The following VTI1B variants were observed in gnomAD, a reference collection of about 807,000 sequenced individuals.
VTI1B encodes vesicle transport through interaction with t-SNAREs homolog 1B.
A neutral mutation model predicts 28.6 loss-of-function variants in VTI1B; 18 were observed. The observed-to-expected ratio is 0.63, with a 90% confidence interval of 0.43 to 0.93. The LOEUF (loss-of-function observed/expected upper bound fraction) is 0.93, where lower values mean the gene tolerates loss of function less well. VTI1B is among the 40% of genes least tolerant of loss of function. The pLI, the probability that VTI1B is intolerant of heterozygous loss-of-function variation, is 0.00. For missense variants in VTI1B, 283 were observed against 297.0 expected, an observed-to-expected ratio of 0.95 and a Z score of 0.35; for synonymous variants, 100 against 107.9, an observed-to-expected ratio of 0.93 and a Z score of 0.46.
rs1471325620 is a variant in VTI1B at position 67,647,954 on chromosome 14, A to C, written c.*3431T>G. 7.9e-7 allele frequency: 1 copy of C among 1,264,224 alleles called. No individual in the cohort carries two copies. 78.3% of individuals were successfully genotyped at this position (1,264,224 alleles called of 1,614,324 possible). ...CAAAGTACTAGGACTAATAGCAACA[A>C]AATCAAGGAGTTGCAACCATAAGAA... On this transcript the variant is annotated 3_prime_UTR_variant, in exon 6 of 6. Coordinates refer to ENST00000554659, the MANE Select transcript of VTI1B (RefSeq NM_006370.3).
Position 67,656,527 on chromosome 14 carries a change from G to A in VTI1B, c.429C>T (p.Thr143=), listed in dbSNP as rs748819802. Residue 143 remains threonine, a synonymous_variant, in exon 4 of 6, where the codon ACC becomes ACT. Transcript: ENST00000554659. ...TCCGATGAGAACGTTCAATACTTTG[G>A]GTGGCCCGGTTCAGGCTTTCAGTGC... ...LQGTESLNRA[T]QSIERSHRIA... 1 of 1,613,662 alleles carries A rather than the reference G, an allele frequency of 6.2e-7. No homozygotes were observed. Among genetic ancestry groups the A allele is most frequent in the African/African-American group, 1.3e-5 (1 of 74,912 alleles).
At chr14:67,665,772 G>C (rs1488766357) in intron 1 of VTI1B, among the ~76,000 whole-genome samples, 2 of 152,042 alleles carry the variant, frequency 1.3e-5, no homozygotes, top group African/African-American at 4.8e-5. Flanking sequence ...CTCATTCATT[G>C]TTGTGTGCCA....
intron 5 of VTI1B, 21 bp from the exon 6 acceptor site, chr14:67,651,502 G>A (rs573692573): frequency 8.7e-6 from 14 of 1,612,290 alleles, no homozygotes; most frequent in South Asian, 7.7e-5. Context: ...AAGCAAAGTG[G>A]GGAGTAGTCA....
At chr14:67,667,857 T>C (rs546103366) in intron 1 of VTI1B, among the ~76,000 whole-genome samples, 1 of 152,146 alleles carries the variant, frequency 6.6e-6, no homozygotes, top group South Asian at 2.1e-4. Context: ...GGCAGAAGAA[T>C]GGCGTGAACC....
chr14:67,651,250 CT>C lies in VTI1B; in HGVS notation c.*134del. 4 of 1,524,066 alleles carry C rather than the reference CT, an allele frequency of 2.6e-6. No individual in the cohort carries two copies. The highest frequency in any genetic ancestry group is 3.5e-6 in the Non-Finnish European group (4 of 1,138,422). The allele number at this position is 1,524,066 out of a possible 1,614,324, so 94.4% of individuals were successfully genotyped here. On this transcript the variant is annotated 3_prime_UTR_variant, in exon 6 of 6. Coordinates refer to ENST00000554659, the MANE Select transcript of VTI1B (RefSeq NM_006370.3). ...AGTGGTTTTTCATCTTTCCTCCCTCCTCCCACAGCCTGGCTATACAGTGCAT... is the reference window on the plus strand; with the variant it reads ...AGTGGTTTTTCATCTTTCCTCCCTCCCCCACAGCCTGGCTATACAGTGCAT...
chr14:67,656,596 G>T lies in VTI1B; in HGVS notation c.367-7C>A, dbSNP rs768312032. ...TTTGAGACTGTAGCCGATTCTGAAA[G>T]AAGTATGGAAGAGAAATGTTAGACT... On this transcript the variant is annotated splice_polypyrimidine_tract_variant and splice_region_variant and intron_variant, in intron 3 of 5. Coordinates refer to ENST00000554659, the MANE Select transcript of VTI1B (RefSeq NM_006370.3). 44 of 1,591,968 alleles carry T rather than the reference G, an allele frequency of 2.8e-5. 1 individual carries two copies. The highest frequency in any genetic ancestry group is 3.6e-5 in the Non-Finnish European group (42 of 1,169,290).
intron 1 of VTI1B, among the ~76,000 whole-genome samples, chr14:67,674,000 G>T (rs1237421977): frequency 6.6e-6 from 1 of 152,190 alleles, no homozygotes; most frequent in East Asian, 1.9e-4. Flanking sequence ...TCCTCTGTCA[G>T]TCTGGTGAAA....
At chr14:67,663,097 A>G (rs2037359709) in intron 1 of VTI1B, 1 of 1,507,420 alleles carries the variant, frequency 6.6e-7, no homozygotes. Context: ...CAATGACTTG[A>G]ACGATGAGAA....
At position 67,648,517 on chromosome 14, in the gene VTI1B, G is replaced by C; in HGVS notation, c.*2868C>G. ...GATAAGAAGGCAAGATAAGATAAGA[G>C]TGCAAGGCTGTAATTTGCACTCTAA... On this transcript the variant is annotated 3_prime_UTR_variant, in exon 6 of 6. Coordinates refer to ENST00000554659, the MANE Select transcript of VTI1B (RefSeq NM_006370.3). The C allele has an allele frequency of 5.5e-6, 1 of 180,394 alleles. No homozygotes were observed. Among genetic ancestry groups the C allele is most frequent in the South Asian group, 1.5e-4 (1 of 6,564 alleles). The allele number at this position is 180,394 out of a possible 1,614,324, so 11.2% of individuals were successfully genotyped here. A position where few individuals can be genotyped will look rare whatever the true frequency, so the allele number is the denominator to read the frequency against.
chr14:67,647,957 T>C lies in VTI1B; in HGVS notation c.*3428A>G, dbSNP rs566442009. ...AGTACTAGGACTAATAGCAACAAAA[T>C]CAAGGAGTTGCAACCATAAGAAGGA... On this transcript the variant is annotated 3_prime_UTR_variant, in exon 6 of 6. Coordinates refer to ENST00000554659, the MANE Select transcript of VTI1B (RefSeq NM_006370.3). 2.3e-5 allele frequency: 29 copies of C among 1,282,920 alleles called. No individual in the cohort carries two copies. The East Asian group carries it at 6.9e-4, about 30-fold the overall frequency. The allele number at this position is 1,282,920 out of a possible 1,614,324, so 79.5% of individuals were successfully genotyped here.
chr14:67,651,997 T>C (rs1046447733), intron 5 of VTI1B, among the ~76,000 whole-genome samples: 3 of 152,258 alleles, frequency 2.0e-5, no homozygotes, highest in African/African-American at 7.2e-5. Context: ...ATCCAACCTC[T>C]GGTTCTCATG....
intron 4 of VTI1B, 65 bp downstream of exon 4, chr14:67,656,351 T>C (rs560217782): frequency 6.9e-7 from 1 of 1,443,930 alleles, no homozygotes; most frequent in South Asian, 1.7e-5. Context: ...CTTAGTACGG[T>C]TTCCAGGTGC....
At chr14:67,655,165 C>A (rs1010282053) in intron 4 of VTI1B, among the ~76,000 whole-genome samples, 1 of 151,580 alleles carries the variant, frequency 6.6e-6, no homozygotes, top group African/African-American at 2.4e-5. Context: ...CATAATGAGA[C>A]CCCGTTTTTA....
intron 3 of VTI1B, 62 bp from the exon 4 acceptor site, chr14:67,656,651 T>C (rs2037262016): frequency 1.3e-6 from 2 of 1,516,058 alleles, no homozygotes; most frequent in East Asian, 2.3e-5. Context: ...TGCCAGCATA[T>C]TCCTCATCAC....
At chr14:67,659,974 T>C in intron 2 of VTI1B, 52 bp from the exon 3 acceptor site, 5 of 1,555,592 alleles carry the variant, frequency 3.2e-6, no homozygotes, top group Non-Finnish European at 4.4e-6. Context: ...CCTCACTCAT[T>C]TGGAAATATG....
In VTI1B at chr14:67,662,528, C is replaced by A; in HGVS notation, c.123G>T (p.Lys41Asn). Residue 41 changes from lysine (K) to asparagine (N), a missense_variant, in exon 2 of 6, where the codon AAG (lysine) becomes AAT (asparagine). Transcript: ENST00000554659. Reference sequence around the variant, plus strand: ...CATCAAAATCCCTGATCAATTTCTTCTTTTCTTCTAGAAAAGATAGATAAG... The same window carrying A: ...CATCAAAATCCCTGATCAATTTCTTATTTTCTTCTAGAAAAGATAGATAAG... ...RLLGTAGTEE[K>N]KKLIRDFDEK... 1.2e-6 allele frequency: 2 copies of A among 1,611,570 alleles called. No individual in the cohort carries two copies. Among genetic ancestry groups the A allele is most frequent in the Non-Finnish European group, 1.7e-6 (2 of 1,179,050 alleles).
chr14:67,652,817 G>A (rs111697759), intron 5 of VTI1B, among the ~76,000 whole-genome samples: 4,275 of 151,614 alleles, frequency 0.028, 217 homozygotes, highest in African/African-American at 0.098. Context: ...TTTTTGAGAC[G>A]GAGTCTCGCT....
At position 67,656,620 on chromosome 14, in the gene VTI1B, C is replaced by T. The variant is rs754891546; in HGVS notation, c.367-31G>A. The T allele has an allele frequency of 1.9e-6, 3 of 1,576,404 alleles. No individual in the cohort carries two copies. The African/African-American group carries it at 4.1e-5, about 21-fold the overall frequency. On this transcript the variant is annotated intron_variant, in intron 3 of 5. Transcript: ENST00000554659. Reference sequence around the variant, plus strand: ...AGAAGTATGGAAGAGAAATGTTAGACTTTTTCCATTATAAATTCATTGCCA... The same window carrying T: ...AGAAGTATGGAAGAGAAATGTTAGATTTTTTCCATTATAAATTCATTGCCA...
rs78599893 is a variant in VTI1B at position 67,654,369 on chromosome 14, C to T, written c.541-871G>A. On this transcript the variant is annotated intron_variant, in intron 4 of 5. Transcript: ENST00000554659. ...TGTTGCCCAGGCTGGTTTCAAACTCCTAGGCTCAAGCCATCCTCCCACCTC... is the reference window on the plus strand; with the variant it reads ...TGTTGCCCAGGCTGGTTTCAAACTCTTAGGCTCAAGCCATCCTCCCACCTC... Among the ~76,000 whole-genome samples the T allele has an allele frequency of 3.3e-3, 495 of 152,246 alleles. 17 individuals carry two copies. The East Asian group carries it at 0.081, about 25-fold the overall frequency.
Sources: allele counts gnomAD v4.1 joint callset (sites outside exome capture counted in the v4.1 genomes callset), GRCh38; gene constraint gnomAD v4.1.1; transcripts MANE v1.5; gene names NCBI Gene and HGNC (gene_info 2026-07-23, HGNC 2026-07-21).